RALA: variants seen among roughly 807,000 people sequenced by gnomAD.
RALA encodes ras-related protein Ral-A.
In RALA, 5 loss-of-function variants were observed where a neutral mutation model predicts 24.0. That is an observed-to-expected ratio of 0.21 (90% CI 0.11 to 0.44). The LOEUF is 0.44. Ranked by LOEUF, RALA falls within the 20% of genes least tolerant of loss-of-function variation. The pLI, the probability that RALA is intolerant of heterozygous loss-of-function variation, is 0.99. For missense variants in RALA, 95 were observed against 241.2 expected (o/e 0.39, Z 4.01); for synonymous variants, 77 against 83.8 (o/e 0.92, Z 0.44).
intron 1 of RALA, among the ~76,000 whole-genome samples, chr7:39,662,272 TCCGGAGACATTTTCC>T (rs1454225574): frequency 6.6e-6 from 1 of 152,146 alleles, no homozygotes; most frequent in Non-Finnish European, 1.5e-5. Context: ...AACATTGGGC[TCCGGAGACATTTTCC>T]CCCGTTGTCT....
In RALA at chr7:39,648,974, C is replaced by T. The variant is rs532647117; in HGVS notation, c.-38+25149C>T. Among the ~76,000 whole-genome samples, 369 of 152,160 alleles carry T rather than the reference C, an allele frequency of 2.4e-3. 1 individual carries two copies. The highest frequency in any genetic ancestry group is 8.7e-3 in the African/African-American group (359 of 41,492). Reference sequence around the variant, plus strand: ...CTCAGGAGGCTTGAGGTGGGAGGATCGCTTGAGCCCAGGAGATCAAGGCTG... The same window carrying T: ...CTCAGGAGGCTTGAGGTGGGAGGATTGCTTGAGCCCAGGAGATCAAGGCTG... On this transcript the variant is annotated intron_variant, in intron 1 of 4. Coordinates refer to ENST00000005257, the MANE Select transcript of RALA (RefSeq NM_005402.4).
intron 1 of RALA, among the ~76,000 whole-genome samples, chr7:39,646,956 T>G (rs1681290726): frequency 6.6e-6 from 1 of 152,214 alleles, no homozygotes; most frequent in African/African-American, 2.4e-5. Context: ...ATTTTATTTT[T>G]AATAGTATAT....
chr7:39,681,769 A>AT (rs1034875680), intron 1 of RALA, among the ~76,000 whole-genome samples: 2 of 151,772 alleles, frequency 1.3e-5, no homozygotes, highest in Non-Finnish European at 2.9e-5. Context: ...CTGACGTGCA[A>AT]TTTTTTTTCC....
chr7:39,667,222 C>A lies in RALA; in HGVS notation c.-37-19409C>A, dbSNP rs1320213498. Reference sequence around the variant, plus strand: ...TGTCTTGGAATTTTTTTTATACTTTCTAAATTTGAAATATTTTGGGGTTCC... The same window carrying A: ...TGTCTTGGAATTTTTTTTATACTTTATAAATTTGAAATATTTTGGGGTTCC... On this transcript the variant is annotated intron_variant, in intron 1 of 4. Coordinates refer to ENST00000005257, the MANE Select transcript of RALA (RefSeq NM_005402.4). Among the ~76,000 whole-genome samples, 4 of 152,208 alleles carry A rather than the reference C, an allele frequency of 2.6e-5. No individual in the cohort carries two copies. In the East Asian group the frequency reaches 7.7e-4, roughly 29 times the overall value.
chr7:39,642,232 A>G (rs1056840042), intron 1 of RALA, among the ~76,000 whole-genome samples: 2 of 152,198 alleles, frequency 1.3e-5, no homozygotes, highest in Admixed American at 1.3e-4. Flanking sequence ...TCTGGTTTAT[A>G]TAGCATCTTC....
At chr7:39,658,553 A>G (rs1000750431) in intron 1 of RALA, among the ~76,000 whole-genome samples, 2 of 152,140 alleles carry the variant, frequency 1.3e-5, no homozygotes, top group African/African-American at 4.8e-5. Context: ...AACCAGAGAT[A>G]TGAACTACAG....
At chr7:39,678,575 A>T (rs959370389) in intron 1 of RALA, among the ~76,000 whole-genome samples, 1 of 152,206 alleles carries the variant, frequency 6.6e-6, no homozygotes, top group Non-Finnish European at 1.5e-5. Flanking sequence ...TTATTCTAGG[A>T]TATCACTTTA....
chr7:39,643,341 C>T lies in RALA; in HGVS notation c.-38+19516C>T, dbSNP rs192713858. Among the ~76,000 whole-genome samples, 370 of 152,228 alleles carry T rather than the reference C, an allele frequency of 2.4e-3. 2 individuals are homozygous for T. Among genetic ancestry groups the T allele is most frequent in the African/African-American group, 8.7e-3 (360 of 41,538 alleles). ...GTAAACTTGATAGTTTATTTCCAAACAATTTTTAGGGGTAAAAGGATGCTG... is the reference window on the plus strand; with the variant it reads ...GTAAACTTGATAGTTTATTTCCAAATAATTTTTAGGGGTAAAAGGATGCTG... On this transcript the variant is annotated intron_variant, in intron 1 of 4. Coordinates refer to ENST00000005257, the MANE Select transcript of RALA (RefSeq NM_005402.4).
rs114815933 is a variant in RALA, at chr7:39,704,407, C to T, written c.499-1716C>T. 6.3e-3 allele frequency among the ~76,000 whole-genome samples: 948 copies of T among 151,582 alleles called. 8 individuals are homozygous for T. The highest frequency in any genetic ancestry group is 0.022 in the African/African-American group (902 of 41,376). On this transcript the variant is annotated intron_variant, in intron 4 of 4. Transcript: ENST00000005257. The stretch of plus-strand genomic sequence containing the variant: ...CACGATCTCAGCTCACCGCAACCTC[C>T]GCCTCCTGAATTCAAGTGATCTGCC...
intron 3 of RALA, among the ~76,000 whole-genome samples, chr7:39,693,220 A>G (rs575185782): frequency 6.6e-6 from 1 of 152,338 alleles, no homozygotes; most frequent in Non-Finnish European, 1.5e-5. Flanking sequence ...CATATACACC[A>G]TGGAATACTA....
intron 1 of RALA, among the ~76,000 whole-genome samples, chr7:39,636,139 G>T (rs887902331): frequency 6.6e-6 from 1 of 152,084 alleles, no homozygotes; most frequent in Non-Finnish European, 1.5e-5. Flanking sequence ...CTACTTTGGG[G>T]CTTATATTGA....
At chr7:39,684,438 T>G (rs1465707551) in intron 1 of RALA, among the ~76,000 whole-genome samples, 2 of 152,070 alleles carry the variant, frequency 1.3e-5, no homozygotes, top group African/African-American at 2.4e-5. Context: ...CTTAATACTT[T>G]TATATATTGG....
At chr7:39,669,501 G>T (rs957477854) in intron 1 of RALA, among the ~76,000 whole-genome samples, 2 of 152,158 alleles carry the variant, frequency 1.3e-5, no homozygotes, top group Non-Finnish European at 2.9e-5. Flanking sequence ...GCTATGCTTA[G>T]ATTTTTCTTT....
intron 1 of RALA, among the ~76,000 whole-genome samples, chr7:39,636,314 A>G (rs920924141): frequency 8.5e-5 from 13 of 152,170 alleles, no homozygotes; most frequent in African/African-American, 2.7e-4. Context: ...ACCATTTTAC[A>G]TCCCCACTGG....
chr7:39,694,242 GAGAACT>G (rs1376270272), intron 3 of RALA, among the ~76,000 whole-genome samples: 1 of 152,190 alleles, frequency 6.6e-6, no homozygotes, highest in Non-Finnish European at 1.5e-5. Flanking sequence ...AAATAAGATT[GAGAACT>G]AGTGATGTCT....
At chr7:39,653,612 G>T (rs1259690165) in intron 1 of RALA, among the ~76,000 whole-genome samples, 2 of 152,072 alleles carry the variant, frequency 1.3e-5, no homozygotes, top group Non-Finnish European at 2.9e-5. Flanking sequence ...AATTTATTTA[G>T]AATTTATTTA....
At chr7:39,667,457 A>G (rs1297332160) in intron 1 of RALA, among the ~76,000 whole-genome samples, 2 of 152,248 alleles carry the variant, frequency 1.3e-5, no homozygotes, top group African/African-American at 4.8e-5. Context: ...AGGTTGTAGA[A>G]GACAGAAGAC....
chr7:39,684,439 T>C (rs1238801138), intron 1 of RALA, among the ~76,000 whole-genome samples: 2 of 152,196 alleles, frequency 1.3e-5, no homozygotes, highest in South Asian at 2.1e-4. Flanking sequence ...TTAATACTTT[T>C]ATATATTGGG....
chr7:39,625,903 A>G (rs1243870816), intron 1 of RALA, among the ~76,000 whole-genome samples: 1 of 152,236 alleles, frequency 6.6e-6, no homozygotes, highest in Non-Finnish European at 1.5e-5. Flanking sequence ...CAGAACATAA[A>G]TACATGTACC....
Sources: allele counts gnomAD v4.1 joint callset (sites outside exome capture counted in the v4.1 genomes callset), GRCh38; gene constraint gnomAD v4.1.1; transcripts MANE v1.5; gene names NCBI Gene and HGNC (gene_info 2026-07-23, HGNC 2026-07-21).